Variants in EIF3L observed in about 807,000 individuals in gnomAD.
EIF3L encodes eukaryotic translation initiation factor 3 subunit L.
Under a neutral mutation model 74.6 loss-of-function variants are expected in EIF3L, and 32 were observed. That is an observed-to-expected ratio of 0.43 (90% confidence interval 0.32 to 0.58). The LOEUF (loss-of-function observed/expected upper bound fraction) is 0.58. Ranked by LOEUF, EIF3L falls within the 20% of genes least tolerant of loss-of-function variation. EIF3L has a pLI of 0.06. For synonymous variants in EIF3L, 256 were observed against 254.4 expected (o/e 1.01, Z -0.06); for missense variants, 474 against 707.8 (o/e 0.67, Z 3.75).
intron 11 of EIF3L, chr22:37,880,903 C>T (rs1270979320): frequency 6.6e-6 from 1 of 152,204 alleles, no homozygotes; most frequent in African/African-American, 2.4e-5. Context: ...AGTGAGTCAC[C>T]GTCCATTGTG....
intron 8 of EIF3L, among the ~76,000 whole-genome samples, 193 bp from the exon 9 acceptor site, chr22:37,874,177 T>C (rs1926623574): frequency 6.6e-6 from 1 of 152,066 alleles, no homozygotes; most frequent in South Asian, 2.1e-4. Context: ...TGTAAGCAAA[T>C]ATTGGTAAAT....
intron 8 of EIF3L, among the ~76,000 whole-genome samples, chr22:37,873,302 T>TG (rs1393128027): frequency 2.3e-5 from 3 of 131,186 alleles, no homozygotes; most frequent in Non-Finnish European, 5.2e-5. Context: ...CAGTTTTTTT[T>TG]GTTTTTTTTT....
intron 5 of EIF3L, among the ~76,000 whole-genome samples, chr22:37,860,216 C>T (rs781487546): frequency 6.6e-6 from 1 of 152,154 alleles, no homozygotes; most frequent in Non-Finnish European, 1.5e-5. Flanking sequence ...TCATGGTAAT[C>T]ATCTCAATAA....
chr22:37,851,596 TG>T (rs1253434399), intron 3 of EIF3L, 106 bp downstream of exon 3: 15 of 154,698 alleles, frequency 9.7e-5, no homozygotes, highest in South Asian at 2.3e-4. Flanking sequence ...TCGGGGGGGT[TG>T]GGGGGTGGGG....
intron 9 of EIF3L, among the ~76,000 whole-genome samples, chr22:37,875,137 G>A (rs1033653685): frequency 6.6e-6 from 1 of 151,440 alleles, no homozygotes; most frequent in Non-Finnish European, 1.5e-5. Context: ...GGGAGGCTGA[G>A]GCAGGTGGAT....
chr22:37,870,261 G>T lies in EIF3L; in HGVS notation c.665G>T (p.Trp222Leu). The stretch of plus-strand genomic sequence containing the variant: ...TTTCTTCGTTCCAATCCCAAAATCT[G>T]GAATGTTCATAGTGTCCTCAATGTC... ...IDFLRSNPKI[W>L]NVHSVLNVLH... is the part of the protein sequence containing the mutation. The change falls in exon 8 of 13, where the codon TGG (tryptophan) becomes TTG (leucine). Residue 222 changes from tryptophan to leucine, a missense_variant. Trp to Leu is a moderately conservative substitution (Grantham distance 61). Transcript: ENST00000652021. The T allele has an allele frequency of 6.2e-7, 1 of 1,613,974 alleles. No individual in the cohort carries two copies. Among genetic ancestry groups the T allele is most frequent in the Admixed American group, 1.7e-5 (1 of 59,982 alleles).
In EIF3L at chr22:37,872,562, A is replaced by G. The variant is rs186936729; in HGVS notation, c.752-1808A>G. 4.1e-3 allele frequency among the ~76,000 whole-genome samples: 617 copies of G among 152,292 alleles called. 3 individuals are homozygous for G. Among genetic ancestry groups the G allele is most frequent in the African/African-American group, 0.014 (589 of 41,568 alleles). ...TCAGGTAAGCATTTATTTGTAAGCT[A>G]TAGAGCTTGTAGTGGCAGATACAAG... On this transcript the variant is annotated intron_variant, in intron 8 of 12. Coordinates refer to ENST00000652021, the MANE Select transcript of EIF3L (RefSeq NM_016091.4).
At chr22:37,850,356 T>C (rs1475183795) in intron 2 of EIF3L, among the ~76,000 whole-genome samples, 7 of 152,160 alleles carry the variant, frequency 4.6e-5, no homozygotes, top group African/African-American at 1.4e-4. Context: ...GTTTTTGAGA[T>C]GGAGTTTCCC....
rs901280073 is a variant in EIF3L, at chr22:37,886,562, C to T, written c.1576-203C>T. 2.3e-5 allele frequency: 8 copies of T among 345,394 alleles called. No individual in the cohort carries two copies. In the Admixed American group the frequency reaches 3.0e-4, roughly 13 times the overall value. 21.4% of individuals were successfully genotyped at this position (345,394 alleles called of 1,614,324 possible). A position where few individuals can be genotyped will look rare whatever the true frequency, so the allele number is the denominator to read the frequency against. ...CCAGCCTGGGCGACGAGCAAAACTC[C>T]ATCTCAAAAAAAAAAAGAAAAGAAA... On this transcript the variant is annotated intron_variant, in intron 11 of 12. Transcript: ENST00000652021.
intron 2 of EIF3L, among the ~76,000 whole-genome samples, chr22:37,851,059 G>A (rs543799329): frequency 1.3e-5 from 2 of 152,276 alleles, no homozygotes; most frequent in East Asian, 1.9e-4. Context: ...GGAGAAGGGT[G>A]CAAAACAGAT....
intron 3 of EIF3L, among the ~76,000 whole-genome samples, chr22:37,854,471 G>T (rs932402484): frequency 6.6e-6 from 1 of 152,010 alleles, no homozygotes; most frequent in Non-Finnish European, 1.5e-5. Context: ...TTCTGTTTTT[G>T]TTTTTTGTTT....
At chr22:37,877,487 G>T in intron 10 of EIF3L, 187 bp from the exon 11 acceptor site, 2 of 651,838 alleles carry the variant, frequency 3.1e-6, no homozygotes, top group Non-Finnish European at 5.1e-6. Context: ...GGAGGATCTG[G>T]AGCTAGGATG....
chr22:37,849,654 C>A, intron 1 of EIF3L, 172 bp downstream of exon 1: 2 of 718,414 alleles, frequency 2.8e-6, no homozygotes, highest in Non-Finnish European at 4.6e-6. Flanking sequence ...CCTGGCTCTG[C>A]CCGCCCACTT....
intron 11 of EIF3L, chr22:37,884,331 G>T (rs534073486): frequency 6.6e-6 from 1 of 152,118 alleles, no homozygotes; most frequent in Non-Finnish European, 1.5e-5. Context: ...GTTTTTGGGG[G>T]TTTTTTGTTC....
At chr22:37,853,218 CTG>C (rs1925323915) in intron 3 of EIF3L, among the ~76,000 whole-genome samples, 1 of 152,190 alleles carries the variant, frequency 6.6e-6, no homozygotes, top group African/African-American at 2.4e-5. Context: ...GAGTCTGTAT[CTG>C]TACGGGTCGA....
intron 7 of EIF3L, among the ~76,000 whole-genome samples, chr22:37,868,317 G>T (rs1232421118): frequency 6.6e-6 from 1 of 150,710 alleles, no homozygotes; most frequent in Non-Finnish European, 1.5e-5. Flanking sequence ...TAGAGACGGG[G>T]TTTCACCATG....
intron 10 of EIF3L, chr22:37,876,225 G>T: frequency 2.0e-6 from 1 of 504,986 alleles, no homozygotes; most frequent in East Asian, 3.3e-5. Flanking sequence ...AACCTCCTGG[G>T]ATCAGGCGAT....
chr22:37,874,676 G>C, intron 9 of EIF3L, 152 bp downstream of exon 9: 1 of 931,726 alleles, frequency 1.1e-6, no homozygotes, highest in Non-Finnish European at 1.6e-6. Context: ...GCAAACAGCT[G>C]TGGTAAAAAG....
At position 37,858,713 on chromosome 22, in the gene EIF3L, C is replaced by T. The variant is rs2145806090; in HGVS notation, c.408C>T (p.Tyr136=). Residue 136 remains tyrosine, a synonymous_variant, in exon 5 of 13, where the codon TAC becomes TAT. Coordinates refer to ENST00000652021, the MANE Select transcript of EIF3L (RefSeq NM_016091.4). The part of the protein sequence containing the change: ...AVFLILYKEL[Y]YRHIYAKVSG... ...TCCTGATTTTATACAAAGAATTATA[C>T]TACAGGCACATATATGCCAAAGTCA... The T allele has an allele frequency of 6.2e-7, 1 of 1,609,794 alleles. No individual in the cohort carries two copies. The highest frequency in any genetic ancestry group is 8.5e-7 in the Non-Finnish European group (1 of 1,178,864).
Sources: gnomAD v4.1 joint callset for allele counts (sites outside exome capture counted in the v4.1 genomes callset) on GRCh38, gnomAD v4.1.1 for gene constraint, MANE v1.5 for transcripts, NCBI Gene and HGNC (gene_info 2026-07-23, HGNC 2026-07-21) for gene names.